The following DMD variants were observed in gnomAD, a reference collection of about 807,000 sequenced individuals.
DMD encodes dystrophin.
A neutral mutation model predicts 330.1 loss-of-function variants in DMD; 63 were observed. The observed-to-expected ratio is 0.19, with a 90% CI of 0.16 to 0.24. The LOEUF (loss-of-function observed/expected upper bound fraction) is 0.24, where lower values mean the gene tolerates loss of function less well. DMD is among the 10% of genes least tolerant of loss of function. DMD has a pLI of 1.00. For synonymous variants in DMD, 1,223 were observed against 959.8 expected, an observed-to-expected ratio of 1.27 and a Z score of -5.07; for missense variants, 3,344 against 2,684.1, an observed-to-expected ratio of 1.25 and a Z score of -5.43.
intron 59 of DMD, among the ~76,000 whole-genome samples, chrX:31,444,941 GGTGCTTT>G (rs2065177500): frequency 9.0e-6 from 1 of 111,301 alleles, no homozygotes; most frequent in South Asian, 3.8e-4. Context: ...GCAGTGAGAA[GGTGCTTT>G]GTATGAGGAA....
At chrX:32,868,007 A>G (rs1265245891) in intron 2 of DMD, among the ~76,000 whole-genome samples, 1 of 110,218 alleles carries the variant, frequency 9.1e-6, no homozygotes, top group Non-Finnish European at 1.9e-5. Context: ...CCGTGAGTGA[A>G]TCCTGCACCA....
chrX:32,858,609 T>C (rs2081803765), intron 2 of DMD, among the ~76,000 whole-genome samples: 1 of 111,902 alleles, frequency 8.9e-6, no homozygotes, highest in South Asian at 3.7e-4. Context: ...ATTACAGGCA[T>C]GAGCCATCAC....
chrX:31,435,775 G>A (rs2064471532), intron 60 of DMD: 1 of 111,715 alleles, frequency 9.0e-6, no homozygotes, highest in Non-Finnish European at 1.9e-5. Context: ...GCAGCTACTG[G>A]CGGAGTGTTT....
At chrX:33,143,343 A>G (rs2047886277) in intron 1 of DMD, among the ~76,000 whole-genome samples, 1 of 110,995 alleles carries the variant, frequency 9.0e-6, no homozygotes, top group Non-Finnish European at 1.9e-5. Flanking sequence ...TACTTTTCTC[A>G]TGGCAACTTA....
intron 1 of DMD, among the ~76,000 whole-genome samples, chrX:33,271,698 G>A (rs113463333): frequency 1.7e-4 from 18 of 103,318 alleles, no homozygotes; most frequent in African/African-American, 6.4e-4. Context: ...CCCCAGAGGC[G>A]GAGGTTGTGG....
intron 62 of DMD, among the ~76,000 whole-genome samples, chrX:31,316,716 C>T (rs757225258): frequency 1.6e-3 from 178 of 112,108 alleles, no homozygotes; most frequent in Admixed American, 2.5e-3. Context: ...TACTGAGACT[C>T]AGGTAACGTG....
chrX:32,916,900 G>A (rs186965118), intron 2 of DMD, among the ~76,000 whole-genome samples: 1,361 of 111,446 alleles, frequency 0.012, 14 homozygotes, highest in African/African-American at 0.041. Context: ...CCATCACAAA[G>A]AAAGGAAGGA....
At chrX:31,922,495 GGTGTGTGT>G (rs765621749) in intron 47 of DMD, among the ~76,000 whole-genome samples, 13 of 97,499 alleles carry the variant, frequency 1.3e-4, no homozygotes, top group South Asian at 4.7e-4. Flanking sequence ...ACTTGAGACT[GGTGTGTGT>G]GTGTGTGTGT....
At chrX:33,125,560 A>G (rs1175003697) in intron 1 of DMD, among the ~76,000 whole-genome samples, 1 of 111,936 alleles carries the variant, frequency 8.9e-6, no homozygotes, top group Non-Finnish European at 1.9e-5. Context: ...AAAAGCTTAC[A>G]TTTTACTAAA....
At chrX:33,048,951 A>G (rs2094424201) in intron 1 of DMD, among the ~76,000 whole-genome samples, 1 of 110,803 alleles carries the variant, frequency 9.0e-6, no homozygotes, top group Admixed American at 9.7e-5. Context: ...CTGTTGCTTT[A>G]GGGCCAGTGT....
rs1273344084 is a variant in DMD at position 32,335,874 on chromosome X, A to G, written c.5922+6226T>C. Among the ~76,000 whole-genome samples the G allele has an allele frequency of 2.4e-4, 25 of 106,094 alleles. No individual in the cohort carries two copies. The Admixed American group carries it at 2.4e-3, about 10-fold the overall frequency. 92.1% of individuals were successfully genotyped at this position (106,094 alleles called of 115,157 possible). ...ATGTTATATTCAACGTTATATGTGT[A>G]TAACATGTTATATATAACATGTTAT... On this transcript the variant is annotated intron_variant, in intron 41 of 78. Coordinates refer to ENST00000357033, the MANE Select transcript of DMD (RefSeq NM_004006.3).
At chrX:32,789,468 C>G (rs2075656988) in intron 7 of DMD, among the ~76,000 whole-genome samples, 1 of 112,029 alleles carries the variant, frequency 8.9e-6, no homozygotes, top group Admixed American at 9.5e-5. Context: ...TACTGAGCTT[C>G]TAAAAATTGC....
intron 43 of DMD, among the ~76,000 whole-genome samples, chrX:32,249,603 A>G (rs1033934): frequency 0.13 from 14,516 of 110,922 alleles, 954 homozygotes; most frequent in East Asian, 0.46. Context: ...AATTCACACA[A>G]TCAGAGATTG....
chrX:32,709,983 C>A (rs1450395678), intron 7 of DMD, among the ~76,000 whole-genome samples: 1 of 110,816 alleles, frequency 9.0e-6, no homozygotes, highest in Non-Finnish European at 1.9e-5. Flanking sequence ...GGTCTACACC[C>A]CCTGAATGTA....
chrX:31,381,577 T>C (rs891777338), intron 60 of DMD, among the ~76,000 whole-genome samples: 1 of 111,457 alleles, frequency 9.0e-6, no homozygotes, highest in African/African-American at 3.3e-5. Context: ...CCTCCCACAT[T>C]ATTCCTGATA....
intron 45 of DMD, among the ~76,000 whole-genome samples, chrX:31,937,480 A>C (rs1603616672): frequency 8.9e-6 from 1 of 111,754 alleles, no homozygotes; most frequent in South Asian, 3.7e-4. Context: ...ATATGAAAAC[A>C]TTTGGTAGTC....
At chrX:31,388,833 T>A (rs1382145354) in intron 60 of DMD, among the ~76,000 whole-genome samples, 2 of 111,663 alleles carry the variant, frequency 1.8e-5, no homozygotes, top group Non-Finnish European at 3.8e-5. Flanking sequence ...ACCCGTGAGG[T>A]GGAGGTTGCA....
At chrX:32,608,366 G>A (rs1245724876) in intron 12 of DMD, among the ~76,000 whole-genome samples, 1 of 110,396 alleles carries the variant, frequency 9.1e-6, no homozygotes, top group Non-Finnish European at 1.9e-5. Flanking sequence ...AAAGTGTGAT[G>A]TTCTTTTTTA....
intron 41 of DMD, among the ~76,000 whole-genome samples, chrX:32,341,893 T>C (rs2097745057): frequency 1.8e-5 from 2 of 111,540 alleles, no homozygotes; most frequent in Admixed American, 9.5e-5. Flanking sequence ...TTCCCTGTTA[T>C]CTGTTAATTT....
Sources: gnomAD v4.1 joint callset for allele counts (sites outside exome capture counted in the v4.1 genomes callset) on GRCh38, gnomAD v4.1.1 for gene constraint, MANE v1.5 for transcripts, NCBI Gene and HGNC (gene_info 2026-07-23, HGNC 2026-07-21) for gene names.